TXLNG: variants seen among roughly 807,000 people sequenced by gnomAD.
TXLNG encodes the protein taxilin gamma.
A neutral mutation model predicts 38.8 loss-of-function variants in TXLNG; 5 were observed. The ratio of observed to expected loss-of-function variants is 0.13; its 90% CI spans 0.07 to 0.27. TXLNG has a LOEUF of 0.27. Ranked by LOEUF, TXLNG falls within the 10% of genes least tolerant of loss-of-function variation. The pLI is 1.00. For missense variants in TXLNG, 393 were observed against 398.2 expected, an observed-to-expected ratio of 0.99 and a Z score of 0.11; for synonymous variants, 182 against 158.2, an observed-to-expected ratio of 1.15 and a Z score of -1.13.
intron 1 of TXLNG, among the ~76,000 whole-genome samples, chrX:16,787,363 C>T (rs954776208): frequency 9.8e-6 from 1 of 102,548 alleles, no homozygotes; most frequent in African/African-American, 3.3e-5. Context: ...TATTTACCAC[C>T]CTCCTCTTTT....
Position 16,829,605 on chromosome X carries a change from A to G in TXLNG, c.699A>G (p.Glu233=). Residue 233 remains glutamate, a synonymous_variant, in exon 5 of 10, where the codon GAA becomes GAG. Coordinates refer to ENST00000380122, the MANE Select transcript of TXLNG (RefSeq NM_018360.3). ...KEENMQQARE[E]EERRKEATAH... is the part of the protein sequence containing the mutation. ...AAAATATGCAGCAGGCACGAGAGGA[A>G]GAAGAACGACGTAAAGAAGCAACTG... 8.3e-7 allele frequency: 1 copy of G among 1,211,677 alleles called. No individual in the cohort carries two copies. Among genetic ancestry groups the G allele is most frequent in the South Asian group, 1.8e-5 (1 of 56,956 alleles).
At chrX:16,799,854 T>C (rs1267825522) in intron 1 of TXLNG, among the ~76,000 whole-genome samples, 7 of 112,392 alleles carry the variant, frequency 6.2e-5, no homozygotes, top group African/African-American at 2.3e-4. Flanking sequence ...CTTGAAGGTA[T>C]TCTGTTAGCC....
chrX:16,822,077 G>A (rs1928990959), intron 3 of TXLNG, among the ~76,000 whole-genome samples: 1 of 109,696 alleles, frequency 9.1e-6, no homozygotes, highest in Non-Finnish European at 1.9e-5. Flanking sequence ...AGTGGCTCAC[G>A]CCTGTAATCC....
chrX:16,837,194 C>T (rs1929625321), intron 7 of TXLNG, among the ~76,000 whole-genome samples: 2 of 111,889 alleles, frequency 1.8e-5, no homozygotes, highest in Non-Finnish European at 1.9e-5. Flanking sequence ...TTCCTCCCTT[C>T]GTTAAGGAAA....
At chrX:16,807,505 G>C (rs1034875581) in intron 1 of TXLNG, among the ~76,000 whole-genome samples, 5 of 111,107 alleles carry the variant, frequency 4.5e-5, no homozygotes, top group Non-Finnish European at 9.4e-5. Flanking sequence ...ACTTAATCTC[G>C]TCAAGTCTCA....
chrX:16,786,758 A>G, intron 1 of TXLNG, among the ~76,000 whole-genome samples, 169 bp downstream of exon 1: 1 of 48,443 alleles, frequency 2.1e-5, no homozygotes. Context: ...GGGGGGTGGG[A>G]CCGCGATGGA....
At chrX:16,825,216 C>T (rs189779975) in intron 3 of TXLNG, among the ~76,000 whole-genome samples, 2 of 112,167 alleles carry the variant, frequency 1.8e-5, no homozygotes, top group African/African-American at 3.2e-5. Flanking sequence ...TGCCATTTTA[C>T]GTCTATTGTA....
chrX:16,804,031 C>A (rs1928220640), intron 1 of TXLNG, among the ~76,000 whole-genome samples: 1 of 111,498 alleles, frequency 9.0e-6, no homozygotes, highest in Non-Finnish European at 1.9e-5. Flanking sequence ...TAAGGCAGAG[C>A]CAAGAATTAT....
chrX:16,794,916 T>C (rs1432067896), intron 1 of TXLNG, among the ~76,000 whole-genome samples: 4 of 111,864 alleles, frequency 3.6e-5, no homozygotes, highest in African/African-American at 1.3e-4. Flanking sequence ...CAGATATTCA[T>C]TGAGTTACAG....
At chrX:16,802,503 A>T (rs1192339320) in intron 1 of TXLNG, among the ~76,000 whole-genome samples, 1 of 109,964 alleles carries the variant, frequency 9.1e-6, no homozygotes, top group Non-Finnish European at 1.9e-5. Flanking sequence ...CGTCCACCTC[A>T]GCCTCCCAAA....
chrX:16,830,053 T>C (rs1929330968), intron 5 of TXLNG, among the ~76,000 whole-genome samples: 1 of 111,348 alleles, frequency 9.0e-6, no homozygotes, highest in African/African-American at 3.3e-5. Context: ...CGCATGTAGA[T>C]TGTTTTCCCT....
At chrX:16,824,409 A>G (rs1484096296) in intron 3 of TXLNG, among the ~76,000 whole-genome samples, 2 of 112,240 alleles carry the variant, frequency 1.8e-5, no homozygotes, top group Admixed American at 9.5e-5. Context: ...ACCAGAGGCA[A>G]CAATCAATTC....
intron 1 of TXLNG, among the ~76,000 whole-genome samples, chrX:16,805,965 CA>C (rs201285808): frequency 0.021 from 2,392 of 112,068 alleles, 25 homozygotes; most frequent in Non-Finnish European, 0.033. Context: ...TTATGTAATA[CA>C]TATTTTAAAG....
chrX:16,811,086 A>G (rs1259057460), intron 1 of TXLNG, among the ~76,000 whole-genome samples: 1 of 111,936 alleles, frequency 8.9e-6, no homozygotes, highest in Non-Finnish European at 1.9e-5. Context: ...TTGGCATTTG[A>G]GTACCATTTG....
chrX:16,807,086 A>G (rs1928360532), intron 1 of TXLNG, among the ~76,000 whole-genome samples: 1 of 110,757 alleles, frequency 9.0e-6, no homozygotes, highest in Non-Finnish European at 1.9e-5. Context: ...TCTGTCTTAA[A>G]ACAAACAAAA....
intron 4 of TXLNG, 25 bp from the exon 5 acceptor site, chrX:16,829,551 A>G: frequency 8.3e-7 from 1 of 1,198,833 alleles, no homozygotes. Context: ...CTGTATTATT[A>G]ACAAAAATTA....
At chrX:16,830,885 G>GTGTGTGTGTGTGTGTGTGTGTGTGTGTA (rs1440990242) in intron 5 of TXLNG, among the ~76,000 whole-genome samples, 10 of 88,782 alleles carry the variant, frequency 1.1e-4, no homozygotes, top group Non-Finnish European at 1.8e-4. Flanking sequence ...GTGTGTGTGT[G>GTGTGTGTGTGTGTGTGTGTGTGTGTGTA]TATAGAGACA....
In TXLNG at chrX:16,841,567, C is replaced by G; in HGVS notation, c.1388C>G (p.Ala463Gly). 4.1e-6 allele frequency: 5 copies of G among 1,211,355 alleles called. No homozygotes were observed. The highest frequency in any genetic ancestry group is 5.6e-6 in the Non-Finnish European group (5 of 895,354). ...CTGAAAGAGCAGGTATCCATCAAAG[C>G]GGCCATCAAAGCGGCGAACAGGGAT... The part of the protein sequence containing the change: ...EVLKEQVSIK[A>G]AIKAANRDLA... Residue 463 changes from alanine (A) to glycine (G), a missense_variant, in exon 10 of 10, where the codon GCG becomes GGG. Transcript: ENST00000380122.
chrX:16,788,667 G>T (rs76828479), intron 1 of TXLNG, among the ~76,000 whole-genome samples: 8 of 80,312 alleles, frequency 1.0e-4, no homozygotes, highest in East Asian at 3.7e-4. Context: ...AACTTGTTGT[G>T]TTTTTTTTTT....
Sources: gnomAD v4.1 joint callset for allele counts (sites outside exome capture counted in the v4.1 genomes callset) on GRCh38, gnomAD v4.1.1 for gene constraint, MANE v1.5 for transcripts, NCBI Gene and HGNC (gene_info 2026-07-23, HGNC 2026-07-21) for gene names.